The following TMEM87B variants were observed in gnomAD, a reference collection of about 807,000 sequenced individuals.
TMEM87B encodes the protein transmembrane protein 87B.
In TMEM87B, 83 loss-of-function variants were observed where a neutral mutation model predicts 80.3. The observed-to-expected ratio is 1.03, with a 90% CI of 0.87 to 1.24. TMEM87B has a LOEUF of 1.24. Among genes scored for constraint, TMEM87B ranks in the 50% most tolerant of loss-of-function variants. TMEM87B has a pLI of 0.00. For synonymous variants in TMEM87B, 219 were observed against 230.5 expected (o/e 0.95, Z 0.45); for missense variants, 625 against 674.4 (o/e 0.93, Z 0.81).
chr2:112,115,883 G>T (rs918405511), intron 18 of TMEM87B, among the ~76,000 whole-genome samples: 1 of 152,068 alleles, frequency 6.6e-6, no homozygotes, highest in Non-Finnish European at 1.5e-5. Flanking sequence ...CAGCCTTCCC[G>T]CCTCGGCCTC....
chr2:112,067,939 C>T (rs114355102), intron 4 of TMEM87B, among the ~76,000 whole-genome samples: 1,661 of 152,232 alleles, frequency 0.011, 38 homozygotes, highest in African/African-American at 0.038. Context: ...GTTGGCTGGG[C>T]GTGGTGGCTC....
chr2:112,067,619 G>C (rs1297981398), intron 4 of TMEM87B, among the ~76,000 whole-genome samples: 1 of 152,000 alleles, frequency 6.6e-6, no homozygotes, highest in African/African-American at 2.4e-5. Flanking sequence ...ATAAGATACT[G>C]ATACCATTGT....
rs781111523 is a variant in TMEM87B, at chr2:112,116,174, C to T, written c.*31C>T. On this transcript the variant is annotated 3_prime_UTR_variant, in exon 19 of 19. Transcript: ENST00000283206. ...ACCCGTATAAGAAATGTAGTTAAGC[C>T]TGAAGGACTATCCTTCATCAAGACT... 17 of 1,581,768 alleles carry T rather than the reference C, an allele frequency of 1.1e-5. No individual in the cohort carries two copies. In the African/African-American group the frequency reaches 1.5e-4, roughly 14 times the overall value.
intron 1 of TMEM87B, among the ~76,000 whole-genome samples, chr2:112,057,332 G>A (rs1340267394): frequency 6.6e-6 from 1 of 152,194 alleles, no homozygotes; most frequent in Non-Finnish European, 1.5e-5. Flanking sequence ...GGAGTGCAGT[G>A]GCACAGTCAT....
In TMEM87B at chr2:112,117,605, T is replaced by C. The variant is rs1361360588; in HGVS notation, c.*1462T>C. 1 of 152,118 alleles carries C rather than the reference T, an allele frequency of 6.6e-6. No homozygotes were observed. Among genetic ancestry groups the C allele is most frequent in the East Asian group, 1.9e-4 (1 of 5,192 alleles). 9.4% of individuals were successfully genotyped at this position (152,118 alleles called of 1,614,324 possible). On this transcript the variant is annotated 3_prime_UTR_variant, in exon 19 of 19. Transcript: ENST00000283206. ...GAAAGTGAACAGTGTTGGCAAACAT[T>C]ACCGAGAAAATCATGCTTTTCAAGA...
intron 16 of TMEM87B, 44 bp downstream of exon 16, chr2:112,106,119 C>G: frequency 7.8e-7 from 1 of 1,275,068 alleles, no homozygotes; most frequent in Non-Finnish European, 1.1e-6. Context: ...CTTCCTTAGT[C>G]TTCACTACTT....
intron 17 of TMEM87B, among the ~76,000 whole-genome samples, chr2:112,110,850 C>T (rs1679891889): frequency 6.6e-6 from 1 of 152,094 alleles, no homozygotes; most frequent in South Asian, 2.1e-4. Flanking sequence ...AAGGGTGCTG[C>T]TTTTTGTCCC....
At chr2:112,110,161 G>C (rs1234850106) in intron 17 of TMEM87B, among the ~76,000 whole-genome samples, 1 of 152,110 alleles carries the variant, frequency 6.6e-6, no homozygotes, top group Admixed American at 6.5e-5. Flanking sequence ...TTGCTCTCTT[G>C]TATTGCAATC....
rs1348951014 is a variant in TMEM87B at position 112,055,541 on chromosome 2, G to C, written c.-51G>C. On this transcript the variant is annotated 5_prime_UTR_variant, in exon 1 of 19. Coordinates refer to ENST00000283206, the MANE Select transcript of TMEM87B (RefSeq NM_032824.3). ...CCTGCCTGGGGCGGTGCTGCACCAGGTGCGGGTGTGGCAGGCGTCTCGGAG... is the reference window on the plus strand; with the variant it reads ...CCTGCCTGGGGCGGTGCTGCACCAGCTGCGGGTGTGGCAGGCGTCTCGGAG... The C allele has an allele frequency of 1.7e-5, 24 of 1,454,242 alleles. No homozygotes were observed. The highest frequency in any genetic ancestry group is 2.2e-5 in the Non-Finnish European group (24 of 1,107,150). 90.1% of individuals were successfully genotyped at this position (1,454,242 alleles called of 1,614,324 possible).
At chr2:112,109,744 C>G (rs1679861997) in intron 17 of TMEM87B, among the ~76,000 whole-genome samples, 1 of 139,230 alleles carries the variant, frequency 7.2e-6, no homozygotes, top group Admixed American at 7.3e-5. Context: ...GGTCATTTTC[C>G]AGTGCCTTCA....
At position 112,086,013 on chromosome 2, in the gene TMEM87B, T is replaced by C; in HGVS notation, c.847T>C (p.Leu283=). The C allele has an allele frequency of 6.2e-7, 1 of 1,614,042 alleles. No homozygotes were observed. The highest frequency in any genetic ancestry group is 8.5e-7 in the Non-Finnish European group (1 of 1,179,958). Residue 283 remains leucine (L), a synonymous_variant, in exon 9 of 19, where the codon TTA becomes CTA. Transcript: ENST00000283206. ...ATTTTTTTCTTCCTCAGCCCAAGGC[T>C]TATTGATATTTGCGGAGTTGATTTC... is the stretch of plus-strand genomic sequence containing the variant. ...ISNTGLSTQG[L]LIFAELISAI... is the part of the protein sequence containing the mutation.
At chr2:112,062,411 T>C (rs1402430791) in intron 2 of TMEM87B, among the ~76,000 whole-genome samples, 1 of 152,148 alleles carries the variant, frequency 6.6e-6, no homozygotes, top group Non-Finnish European at 1.5e-5. Context: ...AGAAAGAGCA[T>C]TTGAAAAAAA....
At chr2:112,083,302 T>C (rs1296974647) in intron 8 of TMEM87B, among the ~76,000 whole-genome samples, 1 of 152,240 alleles carries the variant, frequency 6.6e-6, no homozygotes, top group Non-Finnish European at 1.5e-5. Flanking sequence ...GGTGCTGCCA[T>C]ATCTAAAGAG....
At chr2:112,076,935 C>A (rs1678840213) in intron 5 of TMEM87B, among the ~76,000 whole-genome samples, 1 of 146,958 alleles carries the variant, frequency 6.8e-6, no homozygotes, top group Non-Finnish European at 1.5e-5. Context: ...GACATAGTGG[C>A]TCACATCTGT....
chr2:112,078,361 G>T (rs1678883810), intron 6 of TMEM87B, among the ~76,000 whole-genome samples: 1 of 152,164 alleles, frequency 6.6e-6, no homozygotes, highest in South Asian at 2.1e-4. Flanking sequence ...CACCTTAAAC[G>T]ATGTGTTCTC....
chr2:112,094,561 T>C (rs1294710762), intron 11 of TMEM87B, among the ~76,000 whole-genome samples: 2 of 152,230 alleles, frequency 1.3e-5, no homozygotes, highest in East Asian at 3.8e-4. Flanking sequence ...CTGATGGCTC[T>C]AATCCATCTG....
intron 1 of TMEM87B, among the ~76,000 whole-genome samples, chr2:112,056,162 G>A (rs1191399826): frequency 6.6e-6 from 1 of 152,096 alleles, no homozygotes; most frequent in Non-Finnish European, 1.5e-5. Flanking sequence ...CCCTGAGGCC[G>A]CAGGGAGGAC....
intron 4 of TMEM87B, among the ~76,000 whole-genome samples, chr2:112,069,677 A>G (rs1465209573): frequency 2.0e-5 from 3 of 152,218 alleles, no homozygotes; most frequent in Non-Finnish European, 4.4e-5. Context: ...CTTTGGGTAT[A>G]TAATATACCC....
chr2:112,076,220 T>G (rs1394043071), intron 5 of TMEM87B, among the ~76,000 whole-genome samples: 2 of 152,056 alleles, frequency 1.3e-5, no homozygotes. Flanking sequence ...CCATTGCACT[T>G]CAGCCTGGGT....
Sources: gnomAD v4.1 joint callset for allele counts (sites outside exome capture counted in the v4.1 genomes callset) on GRCh38, gnomAD v4.1.1 for gene constraint, MANE v1.5 for transcripts, NCBI Gene and HGNC (gene_info 2026-07-23, HGNC 2026-07-21) for gene names.